The following TUBA3D variants were observed in gnomAD, a reference collection of about 807,000 sequenced individuals.
TUBA3D encodes tubulin alpha 3d, also known as tubulin alpha-3D chain.
TUBA3D carries 24 observed loss-of-function variants against 36.1 expected under a neutral mutation model. The ratio of observed to expected loss-of-function variants is 0.66; its 90% CI spans 0.48 to 0.93. The LOEUF is 0.93. Among genes scored for constraint, TUBA3D ranks in the 40% least tolerant of loss-of-function variants. TUBA3D has a pLI of 0.00. For synonymous variants in TUBA3D, 185 were observed against 247.2 expected, an observed-to-expected ratio of 0.75 and a Z score of 2.36; for missense variants, 356 against 614.5, an observed-to-expected ratio of 0.58 and a Z score of 4.45.
intron 4 of TUBA3D, among the ~76,000 whole-genome samples, chr2:131,481,306 TC>T (rs1193895404): frequency 6.6e-6 from 1 of 151,898 alleles, no homozygotes; most frequent in Non-Finnish European, 1.5e-5. Flanking sequence ...TCTTGCTTTG[TC>T]CCCCAGGCTG....
chr2:131,479,546 G>A (rs1462886819), intron 3 of TUBA3D, 90 bp downstream of exon 3: 1 of 1,574,464 alleles, frequency 6.4e-7, no homozygotes, highest in Non-Finnish European at 8.6e-7. Flanking sequence ...TCAACACTTA[G>A]ACCAGCATCT....
In TUBA3D at chr2:131,476,172, G is replaced by A. The variant is rs758363386; in HGVS notation, c.-28G>A. The A allele has an allele frequency of 3.1e-6, 5 of 1,613,888 alleles. No individual in the cohort carries two copies. The East Asian group carries it at 1.1e-4, about 36-fold the overall frequency. ...GGCAGCCGGTTGAGGTCTGGCAGTAGCGTTGGGCTGAAGCAGCGGAGTTCG... is the reference window on the plus strand; with the variant it reads ...GGCAGCCGGTTGAGGTCTGGCAGTAACGTTGGGCTGAAGCAGCGGAGTTCG... On this transcript the variant is annotated 5_prime_UTR_variant, in exon 1 of 5. Transcript: ENST00000321253.
At chr2:131,479,798 C>A (rs190922539) in intron 3 of TUBA3D, among the ~76,000 whole-genome samples, 53 of 152,248 alleles carry the variant, frequency 3.5e-4, no homozygotes, top group Admixed American at 3.5e-3. Context: ...TGAGATTGCA[C>A]TACTGCACTC....
chr2:131,476,574 T>C (rs1363366939), intron 1 of TUBA3D, among the ~76,000 whole-genome samples: 2 of 152,158 alleles, frequency 1.3e-5, no homozygotes, highest in Admixed American at 6.5e-5. Flanking sequence ...GGGTTGGGGC[T>C]GTGGACATTG....
In TUBA3D at chr2:131,482,291, A is replaced by G. The variant is rs970131816; in HGVS notation, c.1057-261A>G. Among the ~76,000 whole-genome samples, 19 of 152,168 alleles carry G rather than the reference A, an allele frequency of 1.2e-4. 1 individual carries two copies. Among genetic ancestry groups the G allele is most frequent in the South Asian group, 1.0e-3 (5 of 4,830 alleles). On this transcript the variant is annotated intron_variant, in intron 4 of 4. Coordinates refer to ENST00000321253, the MANE Select transcript of TUBA3D (RefSeq NM_080386.4). ...GAAGACTGTCTTCACCTGGGCACCTATCACATGTCACAGGTACTAGGACAC... is the reference window on the plus strand; with the variant it reads ...GAAGACTGTCTTCACCTGGGCACCTGTCACATGTCACAGGTACTAGGACAC...
rs1678879205 is a variant in TUBA3D, at chr2:131,481,973, T to C, written c.1057-579T>C. On this transcript the variant is annotated intron_variant, in intron 4 of 4. Transcript: ENST00000321253. ...TATGCCCGAGTTCTGAAACTTGGAA[T>C]GCTTCCCCTTTGGTTACCACCTTGG... is the stretch of plus-strand genomic sequence containing the variant. 3.3e-5 allele frequency among the ~76,000 whole-genome samples: 5 copies of C among 152,226 alleles called. No individual in the cohort carries two copies. In the South Asian group the frequency reaches 8.3e-4, roughly 25 times the overall value.
chr2:131,477,048 T>C (rs1284369004), intron 1 of TUBA3D, among the ~76,000 whole-genome samples: 1 of 150,648 alleles, frequency 6.6e-6, no homozygotes, highest in East Asian at 1.9e-4. Context: ...TTTTTTTTTT[T>C]TGAGACAGCA....
chr2:131,481,468 C>T (rs1278355370), intron 4 of TUBA3D, among the ~76,000 whole-genome samples: 2 of 143,794 alleles, frequency 1.4e-5, no homozygotes, highest in East Asian at 2.0e-4. Context: ...CAGAGTCTTG[C>T]TCTGTCGCCC....
chr2:131,481,758 G>A (rs1464486682), intron 4 of TUBA3D, among the ~76,000 whole-genome samples: 1 of 152,134 alleles, frequency 6.6e-6, no homozygotes, highest in Non-Finnish European at 1.5e-5. Context: ...AGTAGAGATG[G>A]GGTTTCGCCA....
intron 1 of TUBA3D, among the ~76,000 whole-genome samples, chr2:131,476,426 G>C (rs1395864836): frequency 6.6e-6 from 1 of 152,190 alleles, no homozygotes; most frequent in Non-Finnish European, 1.5e-5. Flanking sequence ...TTTAGTGAAC[G>C]GGACCATTGA....
In TUBA3D at chr2:131,476,133, C is replaced by T. The variant is rs1487677826; in HGVS notation, c.-67C>T. The T allele has an allele frequency of 5.6e-6, 9 of 1,612,002 alleles. No individual in the cohort carries two copies. The highest frequency in any genetic ancestry group is 7.6e-6 in the Non-Finnish European group (9 of 1,179,402). ...GCACAGGCAGGAGGTTGCAGTTGGG[C>T]GCTCAGCAGCTGTGGCAGCCGGTTG... On this transcript the variant is annotated 5_prime_UTR_variant, in exon 1 of 5. Coordinates refer to ENST00000321253, the MANE Select transcript of TUBA3D (RefSeq NM_080386.4).
chr2:131,480,229 C>T lies in TUBA3D; in HGVS notation c.536C>T (p.Thr179Ile), dbSNP rs1483619209. Residue 179 changes from threonine to isoleucine, a missense_variant, in exon 4 of 5, where the codon ACA becomes ATA. Around this residue, in one of 3 missense-constraint regions of TUBA3D, gnomAD observed 91 missense variants for 240.9 expected, o/e 0.38. Coordinates refer to ENST00000321253, the MANE Select transcript of TUBA3D (RefSeq NM_080386.4). Reference sequence around the variant, plus strand: ...ATTTACCCAGCCCCCCAGGTCTCCACAGCCGTGGTGGAGCCCTACAACTCC... The same window carrying T: ...ATTTACCCAGCCCCCCAGGTCTCCATAGCCGTGGTGGAGCCCTACAACTCC... Reference protein sequence around the residue: ...FAIYPAPQVSTAVVEPYNSIL... With the variant: ...FAIYPAPQVSIAVVEPYNSIL... 4 of 1,614,000 alleles carry T rather than the reference C, an allele frequency of 2.5e-6. No homozygotes were observed. The South Asian group carries it at 4.4e-5, about 18-fold the overall frequency.
At chr2:131,479,004 T>C (rs893563065) in intron 2 of TUBA3D, among the ~76,000 whole-genome samples, 1 of 152,258 alleles carries the variant, frequency 6.6e-6, no homozygotes, top group African/African-American at 2.4e-5. Context: ...TTGATGTAGC[T>C]ACACGTAGGA....
intron 4 of TUBA3D, among the ~76,000 whole-genome samples, chr2:131,482,151 C>T (rs1198024866): frequency 1.3e-5 from 2 of 152,194 alleles, no homozygotes; most frequent in Non-Finnish European, 2.9e-5. Flanking sequence ...TATGATGTTC[C>T]TTGTGATAGC....
At chr2:131,477,319 G>A (rs1678707397) in intron 1 of TUBA3D, among the ~76,000 whole-genome samples, 1 of 152,146 alleles carries the variant, frequency 6.6e-6, no homozygotes, top group Non-Finnish European at 1.5e-5. Context: ...ATAGGAATGA[G>A]CCACCACACC....
Position 131,480,401 on chromosome 2 carries a change from C to T in TUBA3D, c.708C>T (p.Ser236=). Residue 236 remains serine, a synonymous_variant, in exon 4 of 5, where the codon TCC becomes TCT. Coordinates refer to ENST00000321253, the MANE Select transcript of TUBA3D (RefSeq NM_080386.4). ...NLNRLIGQIV[S]SITASLRFDG... ...ATCGCCTGATTGGGCAGATCGTGTCCTCCATCACAGCCTCCCTGCGATTTG... is the reference window on the plus strand; with the variant it reads ...ATCGCCTGATTGGGCAGATCGTGTCTTCCATCACAGCCTCCCTGCGATTTG... 6.3e-7 allele frequency: 1 copy of T among 1,588,788 alleles called. No individual in the cohort carries two copies. Among genetic ancestry groups the T allele is most frequent in the South Asian group, 1.1e-5 (1 of 90,260 alleles).
chr2:131,481,915 C>G (rs1466353137), intron 4 of TUBA3D, among the ~76,000 whole-genome samples: 1 of 152,220 alleles, frequency 6.6e-6, no homozygotes, highest in African/African-American at 2.4e-5. Flanking sequence ...TCTAGTTGAC[C>G]CTGTGCACTG....
chr2:131,478,416 TC>T, intron 2 of TUBA3D, 30 bp downstream of exon 2: 1 of 1,579,928 alleles, frequency 6.3e-7, no homozygotes, highest in Non-Finnish European at 8.6e-7. Context: ...ATGGCAGCTT[TC>T]CTGAGAGGGT....
In TUBA3D at chr2:131,479,449, G is replaced by A. The variant is rs780624250; in HGVS notation, c.368G>A (p.Arg123His). 4 of 1,613,970 alleles carry A rather than the reference G, an allele frequency of 2.5e-6. No individual in the cohort carries two copies. The highest frequency in any genetic ancestry group is 3.4e-6 in the Non-Finnish European group (4 of 1,179,972). ...GTTGACCTAGTCCTGGACCGGATCC[G>A]CAAACTGGTAAGAAGAGAAGGTTTC... ...EIVDLVLDRI[R>H]KLADLCTGLQ... is the part of the protein sequence containing the mutation. Residue 123 changes from arginine to histidine, a missense_variant, in exon 3 of 5, where the codon CGC (arginine) becomes CAC (histidine). Physicochemically the swap from Arg to His is conservative, Grantham distance 29 (BLOSUM62 0). Transcript: ENST00000321253.
Sources: allele counts gnomAD v4.1 joint callset (sites outside exome capture counted in the v4.1 genomes callset), GRCh38; gene constraint gnomAD v4.1.1; regional missense constraint gnomAD v4.1.1; transcripts MANE v1.5; gene names NCBI Gene and HGNC (gene_info 2026-07-23, HGNC 2026-07-21).